C5orf22: variants seen among roughly 807,000 people sequenced by gnomAD.
C5orf22 encodes chromosome 5 open reading frame 22.
In C5orf22, 36 loss-of-function variants were observed where a neutral mutation model predicts 48.7. The ratio of observed to expected loss-of-function variants is 0.74; its 90% CI spans 0.57 to 0.98. The LOEUF (loss-of-function observed/expected upper bound fraction) is 0.98, where lower values mean the gene tolerates loss of function less well. Ranked by LOEUF, C5orf22 falls within the 50% of genes least tolerant of loss-of-function variation. The probability of loss-of-function intolerance (pLI) is 0.00; values close to 1 mark genes in which losing one functional copy is unlikely to be tolerated. For synonymous variants in C5orf22, 141 were observed against 180.8 expected (o/e 0.78, Z 1.76); for missense variants, 486 against 521.9 (o/e 0.93, Z 0.67).
At chr5:31,552,687 C>T in intron 8 of C5orf22, 86 bp from the exon 9 acceptor site, 1 of 1,201,466 alleles carries the variant, frequency 8.3e-7, no homozygotes, top group Non-Finnish European at 1.2e-6. Flanking sequence ...TTCTGTTTTA[C>T]ATTGAAATGA....
chr5:31,543,581 GAAAA>G (rs59910345), intron 6 of C5orf22, among the ~76,000 whole-genome samples: 1 of 150,974 alleles, frequency 6.6e-6, no homozygotes, highest in Non-Finnish European at 1.5e-5. Context: ...AAAAAAGAAA[GAAAA>G]AAAAATCAGT....
chr5:31,548,237 G>T (rs1169152405), intron 7 of C5orf22, among the ~76,000 whole-genome samples: 1 of 151,792 alleles, frequency 6.6e-6, no homozygotes, highest in Admixed American at 6.6e-5. Flanking sequence ...AGAGGCAAAG[G>T]CTGCAGTGAG....
Position 31,552,972 on chromosome 5 carries a change from A to C in C5orf22, c.*70A>C. Reference sequence around the variant, plus strand: ...AGGCCCTTAATTAACTTATTTGTACATGAGTCTTCCAGAGAACACTGTTTT... The same window carrying C: ...AGGCCCTTAATTAACTTATTTGTACCTGAGTCTTCCAGAGAACACTGTTTT... On this transcript the variant is annotated 3_prime_UTR_variant, in exon 9 of 9. Coordinates refer to ENST00000325366, the MANE Select transcript of C5orf22 (RefSeq NM_018356.3). 1 of 1,396,758 alleles carries C rather than the reference A, an allele frequency of 7.2e-7. No homozygotes were observed. Among genetic ancestry groups the C allele is most frequent in the Non-Finnish European group, 1.0e-6 (1 of 1,002,400 alleles). The allele number at this position is 1,396,758 out of a possible 1,614,324, so 86.5% of individuals were successfully genotyped here. A position where few individuals can be genotyped will look rare whatever the true frequency, so the allele number is the denominator to read the frequency against.
chr5:31,533,103 C>T (rs1741737983), intron 1 of C5orf22, among the ~76,000 whole-genome samples: 1 of 152,042 alleles, frequency 6.6e-6, no homozygotes, highest in African/African-American at 2.4e-5. Context: ...CACAGGCACG[C>T]ATCACCGTAC....
At chr5:31,551,159 AC>A (rs1229264534) in intron 7 of C5orf22, 133 bp from the exon 8 acceptor site, 3 of 803,416 alleles carry the variant, frequency 3.7e-6, no homozygotes, top group Non-Finnish European at 3.9e-6. Flanking sequence ...ATTATGAATC[AC>A]ATGTACCCTG....
intron 7 of C5orf22, among the ~76,000 whole-genome samples, chr5:31,546,516 A>G (rs1054799160): frequency 5.9e-5 from 9 of 152,238 alleles, no homozygotes; most frequent in Non-Finnish European, 1.3e-4. Flanking sequence ...ACTCTTTAAA[A>G]TAAGAGATGT....
At chr5:31,546,808 G>C (rs1242367034) in intron 7 of C5orf22, among the ~76,000 whole-genome samples, 1 of 152,254 alleles carries the variant, frequency 6.6e-6, no homozygotes, top group East Asian at 1.9e-4. Flanking sequence ...CCCACTACAT[G>C]TGGGAATTGT....
intron 2 of C5orf22, 61 bp downstream of exon 2, chr5:31,534,478 A>G: frequency 7.0e-7 from 1 of 1,435,190 alleles, no homozygotes; most frequent in Non-Finnish European, 9.5e-7. Context: ...GTAGATAATA[A>G]GCAATTATAG....
In C5orf22 at chr5:31,532,348, C is replaced by T. The variant is rs778375663; in HGVS notation, c.-45C>T. ...TGAGGCGCCGGCTTTCCCGGGTCTT[C>T]TCCAGCTGCCACCGCTTTACTGCAA... On this transcript the variant is annotated 5_prime_UTR_variant, in exon 1 of 9. Transcript: ENST00000325366. 21 of 1,602,298 alleles carry T rather than the reference C, an allele frequency of 1.3e-5. No individual in the cohort carries two copies. The highest frequency in any genetic ancestry group is 1.6e-5 in the Non-Finnish European group (19 of 1,169,778).
In C5orf22 at chr5:31,553,719, G is replaced by A. The variant is rs971595318; in HGVS notation, c.*817G>A. On this transcript the variant is annotated 3_prime_UTR_variant, in exon 9 of 9. Coordinates refer to ENST00000325366, the MANE Select transcript of C5orf22 (RefSeq NM_018356.3). ...AATTTGGCATTGTGGCCCTGCTCTT[G>A]CCAAATGCTCTCCAGCATTGTTGGT... is the stretch of plus-strand genomic sequence containing the variant. 16 of 152,284 alleles carry A rather than the reference G, an allele frequency of 1.1e-4. No homozygotes were observed. The highest frequency in any genetic ancestry group is 3.4e-4 in the African/African-American group (14 of 41,548). 9.4% of individuals were successfully genotyped at this position (152,284 alleles called of 1,614,324 possible). A position where few individuals can be genotyped will look rare whatever the true frequency, so the allele number is the denominator to read the frequency against.
rs536152728 is a variant in C5orf22 at position 31,539,652 on chromosome 5, T to A, written c.807+963T>A. On this transcript the variant is annotated intron_variant, in intron 4 of 8. Transcript: ENST00000325366. ...ATAGCCTAAATACCCTTTGGTACAA[T>A]GGACTTTTTAAAAAGCATATATTAA... Among the ~76,000 whole-genome samples the A allele has an allele frequency of 2.0e-5, 3 of 152,338 alleles. No homozygotes were observed. The South Asian group carries it at 6.2e-4, about 32-fold the overall frequency.
At chr5:31,538,051 G>T (rs1277706858) in intron 3 of C5orf22, 2 of 487,136 alleles carry the variant, frequency 4.1e-6, no homozygotes, top group Non-Finnish European at 7.3e-6. Flanking sequence ...CTGCAAGGCA[G>T]ACTGAAATGT....
chr5:31,551,541 A>G, intron 8 of C5orf22, 109 bp downstream of exon 8: 3 of 831,146 alleles, frequency 3.6e-6, no homozygotes, highest in Non-Finnish European at 1.9e-6. Context: ...CAGTGTGATT[A>G]ACTCAAGGAT....
chr5:31,550,066 A>C (rs1236735007), intron 7 of C5orf22, among the ~76,000 whole-genome samples: 1 of 152,194 alleles, frequency 6.6e-6, no homozygotes, highest in Non-Finnish European at 1.5e-5. Flanking sequence ...ACAGCTGCAG[A>C]GATAGAACGC....
At chr5:31,540,036 G>A (rs546733313) in intron 4 of C5orf22, among the ~76,000 whole-genome samples, 44 of 152,182 alleles carry the variant, frequency 2.9e-4, no homozygotes, top group East Asian at 1.9e-4. Flanking sequence ...GGGTGACAGC[G>A]AGACCCCATC....
At chr5:31,538,722 GA>G in intron 4 of C5orf22, 33 bp downstream of exon 4, 1 of 1,502,946 alleles carries the variant, frequency 6.7e-7, no homozygotes. Context: ...CATAGATCTT[GA>G]GAATTGTATG....
chr5:31,543,440 T>C (rs1456162458), intron 6 of C5orf22, among the ~76,000 whole-genome samples: 4 of 152,026 alleles, frequency 2.6e-5, no homozygotes, highest in African/African-American at 9.7e-5. Context: ...CATGGTGGCA[T>C]GCACCTGCGG....
Position 31,552,901 on chromosome 5 carries a change from GAAAC to G in C5orf22, c.*7_*10del, listed in dbSNP as rs752368383. The G allele has an allele frequency of 6.2e-7, 1 of 1,613,156 alleles. No homozygotes were observed. ...TATGCAGCAGAGTCTCCTCCATCTT[GAAAC>G]AAACAAAACATTAGGCTCCTGTTGT... On this transcript the variant is annotated stop_retained_variant and 3_prime_UTR_variant, in exon 9 of 9. Transcript: ENST00000325366.
Position 31,535,727 on chromosome 5 carries a change from C to CT in C5orf22, c.228-16dup, listed in dbSNP as rs1742027986. ...AAAAATAAAAGTTTTAATGTTGTCT[C>CT]TATGTTTCTTTTCCAGAGAATTAAG... On this transcript the variant is annotated splice_polypyrimidine_tract_variant and intron_variant, in intron 2 of 8. Coordinates refer to ENST00000325366, the MANE Select transcript of C5orf22 (RefSeq NM_018356.3). 6.4e-7 allele frequency: 1 copy of CT among 1,567,116 alleles called. No individual in the cohort carries two copies. The highest frequency in any genetic ancestry group is 8.6e-7 in the Non-Finnish European group (1 of 1,158,464).
Sources: gnomAD v4.1 joint callset for allele counts (sites outside exome capture counted in the v4.1 genomes callset) on GRCh38, gnomAD v4.1.1 for gene constraint, MANE v1.5 for transcripts, NCBI Gene and HGNC (gene_info 2026-07-23, HGNC 2026-07-21) for gene names.